Variants in ZNF692 observed in about 807,000 individuals in gnomAD.
ZNF692 encodes AICAR responsive element binding protein.
A neutral mutation model predicts 49.0 loss-of-function variants in ZNF692; 41 were observed. The observed-to-expected ratio is 0.84, with a 90% CI of 0.65 to 1.08. The LOEUF (loss-of-function observed/expected upper bound fraction) is 1.08, where lower values mean the gene tolerates loss of function less well. ZNF692 is among the 50% of genes least tolerant of loss of function. The probability of loss-of-function intolerance (pLI) is 0.00; values close to 1 mark genes in which losing one functional copy is unlikely to be tolerated. For missense variants in ZNF692, 662 were observed against 662.2 expected, an observed-to-expected ratio of 1.00 and a Z score of 0.00; for synonymous variants, 288 against 251.5, an observed-to-expected ratio of 1.15 and a Z score of -1.37.
In ZNF692 at chr1:248,855,578, T is replaced by C; in HGVS notation, c.939A>G (p.Gln313=). 6.2e-7 allele frequency: 1 copy of C among 1,614,144 alleles called. No homozygotes were observed. Residue 313 remains glutamine, a synonymous_variant, in exon 8 of 12, where the codon CAA becomes CAG. Transcript: ENST00000306601. ...CCTACCTAATTCTCTTGGGGCCAATTTGTGCAGTGTCCTCATCCCAGGCCG... is the reference window on the plus strand; with the variant it reads ...CCTACCTAATTCTCTTGGGGCCAATCTGTGCAGTGTCCTCATCCCAGGCCG... ...PTPAWDEDTA[Q]IGPKRIRKAA... is the part of the protein sequence containing the mutation.
chr1:248,858,181 C>T lies in ZNF692; in HGVS notation c.129G>A (p.Glu43=). 6.3e-7 allele frequency: 1 copy of T among 1,579,502 alleles called. No homozygotes were observed. Among genetic ancestry groups the T allele is most frequent in the Non-Finnish European group, 8.6e-7 (1 of 1,163,018 alleles). The part of the protein sequence containing the change: ...GHMEQWCLLK[E]RLGFSLHSQL... ...GCGAGTGCAGGGAGAAGCCCAGCCG[C>T]TCCTTGAGGAGGCACCACTGCTCCA... Residue 43 remains glutamate, a synonymous_variant, in exon 2 of 12, where the codon GAG becomes GAA. Coordinates refer to ENST00000306601, the MANE Select transcript of ZNF692 (RefSeq NM_017865.4). This position sits in a 1 kb window ranked among gnomAD's most constrained non-coding sequence, Gnocchi z 4.3.
rs1660560975 is a variant in ZNF692 at position 248,858,815 on chromosome 1, C to A, written c.-13+103G>T. 1 of 566,496 alleles carries A rather than the reference C, an allele frequency of 1.8e-6. No homozygotes were observed. Among genetic ancestry groups the A allele is most frequent in the Non-Finnish European group, 3.2e-6 (1 of 314,914 alleles). The allele number at this position is 566,496 out of a possible 1,614,324, so 35.1% of individuals were successfully genotyped here. A position where few individuals can be genotyped will look rare whatever the true frequency, so the allele number is the denominator to read the frequency against. On this transcript the variant is annotated intron_variant, in intron 1 of 11. Transcript: ENST00000306601. The surrounding 1 kb of genome is among the most constrained non-coding windows in gnomAD (Gnocchi z 4.3). ...CGCCCCCCATCCACCCCGTCTTGGG[C>A]ACCCCCACTTAATGCTGACAGTGAG...
Position 248,858,515 on chromosome 1 carries a change from G to A in ZNF692, c.-12-194C>T, listed in dbSNP as rs1475273925. 1 of 1,551,748 alleles carries A rather than the reference G, an allele frequency of 6.4e-7. No homozygotes were observed. Among genetic ancestry groups the A allele is most frequent in the Non-Finnish European group, 8.7e-7 (1 of 1,147,008 alleles). Reference sequence around the variant, plus strand: ...GGGTGTTGAAGCTCAGCGCTACCATGTGAGTGTCGTCGGGTGGGAGGCAGG... The same window carrying A: ...GGGTGTTGAAGCTCAGCGCTACCATATGAGTGTCGTCGGGTGGGAGGCAGG... On this transcript the variant is annotated intron_variant, in intron 1 of 11. Coordinates refer to ENST00000306601, the MANE Select transcript of ZNF692 (RefSeq NM_017865.4). The surrounding 1 kb of genome is among the most constrained non-coding windows in gnomAD (Gnocchi z 4.3).
In ZNF692 at chr1:248,857,433, T is replaced by C; in HGVS notation, c.276A>G (p.Arg92=). ...YLVLLSHAHS[R]ECSLVPGLRG... ...GAAGCCCGGGCACCAGGCTGCACTCTCGGCTGTGGGCATGAGACAAGAGCA... is the reference window on the plus strand; with the variant it reads ...GAAGCCCGGGCACCAGGCTGCACTCCCGGCTGTGGGCATGAGACAAGAGCA... The change falls in exon 4 of 12, where the codon CGA becomes CGG. Residue 92 remains arginine, a synonymous_variant. Transcript: ENST00000306601. 2 of 1,613,980 alleles carry C rather than the reference T, an allele frequency of 1.2e-6. No individual in the cohort carries two copies. The highest frequency in any genetic ancestry group is 1.7e-6 in the Non-Finnish European group (2 of 1,180,002).
At chr1:248,856,048 C>T in intron 6 of ZNF692, 102 bp from the exon 7 acceptor site, 2 of 1,327,900 alleles carry the variant, frequency 1.5e-6, no homozygotes, top group Admixed American at 2.1e-5. Flanking sequence ...AAACTTGAAA[C>T]AACCCTACCC....
In ZNF692 at chr1:248,857,407, C is replaced by G. The variant is rs143513211; in HGVS notation, c.302G>C (p.Arg101Pro). The change falls in exon 4 of 12, where the codon CGG becomes CCG. Residue 101 changes from arginine to proline, a missense_variant. Transcript: ENST00000306601. Reference sequence around the variant, plus strand: ...CCCCCCATCTTGGCCGCCAGGCCCCCGAAGCCCGGGCACCAGGCTGCACTC... The same window carrying G: ...CCCCCCATCTTGGCCGCCAGGCCCCGGAAGCCCGGGCACCAGGCTGCACTC... ...SRECSLVPGL[R>P]GPGGQDGGLV... The G allele has an allele frequency of 5.0e-6, 8 of 1,613,992 alleles. No individual in the cohort carries two copies. The African/African-American group carries it at 9.3e-5, about 19-fold the overall frequency.
chr1:248,858,068 G>T lies in ZNF692; in HGVS notation c.179+63C>A. 1 of 1,553,924 alleles carries T rather than the reference G, an allele frequency of 6.4e-7. No individual in the cohort carries two copies. Among genetic ancestry groups the T allele is most frequent in the Non-Finnish European group, 8.7e-7 (1 of 1,154,920 alleles). ...GGAAAAGAGCAGCAGGACAGGCCCT[G>T]GAGAGGAGGCTAGGGGCTGCTGCCT... is the stretch of plus-strand genomic sequence containing the variant. On this transcript the variant is annotated intron_variant, in intron 2 of 11. Transcript: ENST00000306601. This position sits in a 1 kb window ranked among gnomAD's most constrained non-coding sequence, Gnocchi z 4.3.
intron 9 of ZNF692, chr1:248,854,312 C>A: frequency 2.4e-6 from 1 of 418,936 alleles, no homozygotes. Flanking sequence ...TATCTCACCT[C>A]CTTGTCACAC....
At chr1:248,854,570 A>ACACACACACACACACACACACG (rs1273007739) in intron 9 of ZNF692, 4 of 154,148 alleles carry the variant, frequency 2.6e-5, no homozygotes, top group African/African-American at 9.8e-5. Context: ...ACACACACAC[A>ACACACACACACACACACACACG]CTCTCAACCT....
chr1:248,855,340 C>T, intron 9 of ZNF692, 40 bp downstream of exon 9: 1 of 1,604,658 alleles, frequency 6.2e-7, no homozygotes, highest in Non-Finnish European at 8.5e-7. Flanking sequence ...CCCTTTCCCC[C>T]ACCCCAGCAG....
intron 2 of ZNF692, 128 bp from the exon 3 acceptor site, chr1:248,857,987 C>G (rs1213011351): frequency 1.2e-5 from 19 of 1,549,008 alleles, no homozygotes; most frequent in Non-Finnish European, 1.5e-5. Flanking sequence ...GGGAGCAGGA[C>G]CCTCGGAGGC....
chr1:248,857,725 C>T, intron 3 of ZNF692, 103 bp downstream of exon 3: 1 of 1,530,964 alleles, frequency 6.5e-7, no homozygotes, highest in Admixed American at 2.0e-5. Flanking sequence ...TCACCCCACC[C>T]TTCCCAAACT....
At chr1:248,852,617 G>A (rs890464926) in intron 10 of ZNF692, among the ~76,000 whole-genome samples, 2 of 152,096 alleles carry the variant, frequency 1.3e-5, no homozygotes, top group Admixed American at 6.5e-5. Context: ...ACTCCGTTCC[G>A]GCTATCCCCA....
At position 248,858,597 on chromosome 1, in the gene ZNF692, G is replaced by A; in HGVS notation, c.-12-276C>T. ...CCCTCCAGTCCACTGAAGTGGAGCTGTGGGGAAGGGGCGAGAGACTTTCAC... is the reference window on the plus strand; with the variant it reads ...CCCTCCAGTCCACTGAAGTGGAGCTATGGGGAAGGGGCGAGAGACTTTCAC... On this transcript the variant is annotated intron_variant, in intron 1 of 11. Coordinates refer to ENST00000306601, the MANE Select transcript of ZNF692 (RefSeq NM_017865.4). The surrounding 1 kb of genome is among the most constrained non-coding windows in gnomAD (Gnocchi z 4.3). 1 of 1,534,892 alleles carries A rather than the reference G, an allele frequency of 6.5e-7. No individual in the cohort carries two copies. Among genetic ancestry groups the A allele is most frequent in the Non-Finnish European group, 8.8e-7 (1 of 1,131,786 alleles).
In ZNF692 at chr1:248,850,321, A is replaced by T; in HGVS notation, c.1449T>A (p.Ser483Arg). ...TGCTGGGACAGGGCTCTAGGGGACC[A>T]CTGGGTGACTCTTGAGGGGCTAGAA... Reference protein sequence around the residue: ...ALLLAPQESPSGPLEPCPSIS... With the variant: ...ALLLAPQESPRGPLEPCPSIS... Residue 483 changes from serine to arginine, a missense_variant, in exon 12 of 12, where the codon AGT (serine) becomes AGA (arginine). By Grantham distance (110) the Ser-to-Arg change is moderately radical. Coordinates refer to ENST00000306601, the MANE Select transcript of ZNF692 (RefSeq NM_017865.4). 6.2e-7 allele frequency: 1 copy of T among 1,613,938 alleles called. No individual in the cohort carries two copies. Among genetic ancestry groups the T allele is most frequent in the African/African-American group, 1.3e-5 (1 of 75,068 alleles).
Position 248,850,086 on chromosome 1 carries a change from C to G in ZNF692, c.*124G>C. Reference sequence around the variant, plus strand: ...CCCTACAGCCCAGTCTTGCCCCCACCCTGCACTCTGTCGCCTTAGTTCCTG... The same window carrying G: ...CCCTACAGCCCAGTCTTGCCCCCACGCTGCACTCTGTCGCCTTAGTTCCTG... On this transcript the variant is annotated 3_prime_UTR_variant, in exon 12 of 12. Transcript: ENST00000306601. The G allele has an allele frequency of 3.6e-6, 4 of 1,125,926 alleles. No homozygotes were observed. Among genetic ancestry groups the G allele is most frequent in the Non-Finnish European group, 5.0e-6 (4 of 807,240 alleles). 69.7% of individuals were successfully genotyped at this position (1,125,926 alleles called of 1,614,324 possible).
In ZNF692 at chr1:248,855,784, C is replaced by T; in HGVS notation, c.822G>A (p.Arg274=). The change falls in exon 7 of 12, where the codon AGG becomes AGA. Residue 274 remains arginine (R), a synonymous_variant. Transcript: ENST00000306601. ...GGGTCCTGCTGAGCTGTGGCTGCAC[C>T]CTGACTTCTGCAGGTGGAGGAGCTC... The part of the protein sequence containing the change: ...SSRAPPPAEV[R]VQPQLSRTPQ... 6.2e-7 allele frequency: 1 copy of T among 1,614,196 alleles called. No homozygotes were observed. The highest frequency in any genetic ancestry group is 1.1e-5 in the South Asian group (1 of 91,088).
intron 10 of ZNF692, chr1:248,850,987 T>C (rs1659514584): frequency 1.4e-6 from 1 of 693,652 alleles, no homozygotes; most frequent in Non-Finnish European, 2.6e-6. Context: ...CGAACCCAGC[T>C]AAAAGACTTC....
At position 248,850,073 on chromosome 1, in the gene ZNF692, G is replaced by GT. The variant is rs1206371218; in HGVS notation, c.*136dup. 4 of 946,482 alleles carry GT rather than the reference G, an allele frequency of 4.2e-6. No homozygotes were observed. The highest frequency in any genetic ancestry group is 6.1e-6 in the Non-Finnish European group (4 of 653,476). 58.6% of individuals were successfully genotyped at this position (946,482 alleles called of 1,614,324 possible). ...AGTAGTCCAGCTCCCCTACAGCCCA[G>GT]TCTTGCCCCCACCCTGCACTCTGTC... On this transcript the variant is annotated 3_prime_UTR_variant, in exon 12 of 12. Coordinates refer to ENST00000306601, the MANE Select transcript of ZNF692 (RefSeq NM_017865.4).
Sources: allele counts gnomAD v4.1 joint callset (sites outside exome capture counted in the v4.1 genomes callset), GRCh38; gene constraint gnomAD v4.1.1; non-coding constraint Gnocchi (gnomAD v3.1); transcripts MANE v1.5; gene names NCBI Gene and HGNC (gene_info 2026-07-23, HGNC 2026-07-21).